VILL: variants seen among roughly 807,000 people sequenced by gnomAD.
VILL encodes villin like, also known as villin-like protein.
A neutral mutation model predicts 106.3 loss-of-function variants in VILL; 102 were observed. The ratio of observed to expected loss-of-function variants is 0.96; its 90% CI spans 0.82 to 1.13. VILL has a LOEUF of 1.13. Among genes scored for constraint, VILL ranks in the 50% most tolerant of loss-of-function variants. The pLI is 0.00. For missense variants in VILL, 1,076 were observed against 1,116.6 expected, an observed-to-expected ratio of 0.96 and a Z score of 0.52; for synonymous variants, 431 against 440.3, an observed-to-expected ratio of 0.98 and a Z score of 0.27.
At chr3:38,004,497 C>T (rs1331202090) in intron 16 of VILL, 98 bp downstream of exon 16, 8 of 1,481,686 alleles carry the variant, frequency 5.4e-6, no homozygotes, top group Non-Finnish European at 7.4e-6. Context: ...CCTCTGTACA[C>T]AGGGCTGTGG....
rs57608496 is a variant in VILL at position 37,994,607 on chromosome 3, C to G, written c.341+141C>G. On this transcript the variant is annotated intron_variant, in intron 4 of 19. Transcript: ENST00000383759. ...GTAACACCTTTATTGAGATACAACT[C>G]ATACGCCATACGATTCACCCATTTA... 167 of 849,748 alleles carry G rather than the reference C, an allele frequency of 2.0e-4. No homozygotes were observed. In the African/African-American group the frequency reaches 2.6e-3, roughly 13 times the overall value. 52.6% of individuals were successfully genotyped at this position (849,748 alleles called of 1,614,324 possible).
chr3:37,998,018 C>A lies in VILL; in HGVS notation c.765-72C>A. ...GTCTCTGAGGGACTGGGGTGGGGTC[C>A]TAAATGGGGCTGGAGTGGAGACAGA... On this transcript the variant is annotated intron_variant, in intron 7 of 19. Coordinates refer to ENST00000383759, the MANE Select transcript of VILL (RefSeq NM_015873.4). This position sits in a 1 kb window ranked among gnomAD's most constrained non-coding sequence, Gnocchi z 4.1. The A allele has an allele frequency of 1.4e-6, 2 of 1,471,042 alleles. No homozygotes were observed. The highest frequency in any genetic ancestry group is 1.2e-5 in the South Asian group (1 of 80,606). The allele number at this position is 1,471,042 out of a possible 1,614,324, so 91.1% of individuals were successfully genotyped here. A position where few individuals can be genotyped will look rare whatever the true frequency, so the allele number is the denominator to read the frequency against.
In VILL at chr3:37,997,051, T is replaced by C; in HGVS notation, c.451-26T>C. The C allele has an allele frequency of 6.2e-7, 1 of 1,605,020 alleles. No individual in the cohort carries two copies. The highest frequency in any genetic ancestry group is 1.1e-5 in the South Asian group (1 of 90,760). ...CTAGCGGATGCTGGTGGTATGACAC[T>C]CTGTCTCTCTCCCTGGCTCTGGCAG... On this transcript the variant is annotated intron_variant, in intron 5 of 19. Transcript: ENST00000383759. This position sits in a 1 kb window ranked among gnomAD's most constrained non-coding sequence, Gnocchi z 4.7.
In VILL at chr3:37,997,227, G is replaced by C; in HGVS notation, c.561+40G>C. The stretch of plus-strand genomic sequence containing the variant: ...AAGGAACTGGGGAGTACGGGGCTTG[G>C]GCGGGGAATGATCCTCCAGTTGACC... On this transcript the variant is annotated intron_variant, in intron 6 of 19. Coordinates refer to ENST00000383759, the MANE Select transcript of VILL (RefSeq NM_015873.4). This position sits in a 1 kb window ranked among gnomAD's most constrained non-coding sequence, Gnocchi z 4.7. 1 of 1,593,996 alleles carries C rather than the reference G, an allele frequency of 6.3e-7. No individual in the cohort carries two copies. The highest frequency in any genetic ancestry group is 2.2e-5 in the East Asian group (1 of 44,764).
chr3:38,001,779 C>T lies in VILL; in HGVS notation c.1398C>T (p.Val466=). ...AACTAGATGTCATGTATGGTGGCGT[C>T]CTAGTACAGGAGCATGTGACCATGG... The part of the protein sequence containing the change: ...AEELDVMYGG[V]LVQEHVTMGS... The change falls in exon 13 of 20, where the codon GTC becomes GTT. Residue 466 remains valine (V), a synonymous_variant. Coordinates refer to ENST00000383759, the MANE Select transcript of VILL (RefSeq NM_015873.4). 6.2e-7 allele frequency: 1 copy of T among 1,614,040 alleles called. No homozygotes were observed. The highest frequency in any genetic ancestry group is 8.5e-7 in the Non-Finnish European group (1 of 1,179,926).
At chr3:38,002,154 T>C in intron 13 of VILL, 1 of 633,658 alleles carries the variant, frequency 1.6e-6, no homozygotes, top group Non-Finnish European at 2.7e-6. Flanking sequence ...TGAGCACCCA[T>C]GCCCCAACCA....
At position 38,004,344 on chromosome 3, in the gene VILL, T is replaced by A; in HGVS notation, c.1895T>A (p.Phe632Tyr). 1.2e-6 allele frequency: 2 copies of A among 1,613,850 alleles called. No individual in the cohort carries two copies. Among genetic ancestry groups the A allele is most frequent in the Non-Finnish European group, 1.7e-6 (2 of 1,179,710 alleles). ...GCLVLAEVGFFSQEDLDKYDI... is the reference protein window; with the variant it reads ...GCLVLAEVGFYSQEDLDKYDI... ...CTGGTCCTCGCAGAAGTGGGGTTCTTCAGCCAGGAGGACCTGGACAAGTAT... is the reference window on the plus strand; with the variant it reads ...CTGGTCCTCGCAGAAGTGGGGTTCTACAGCCAGGAGGACCTGGACAAGTAT... Residue 632 changes from phenylalanine (F) to tyrosine (Y), a missense_variant, in exon 16 of 20, where the codon TTC becomes TAC. By Grantham distance (22) the Phe-to-Tyr change is conservative (BLOSUM62 3). Coordinates refer to ENST00000383759, the MANE Select transcript of VILL (RefSeq NM_015873.4).
chr3:37,997,273 G>T lies in VILL; in HGVS notation c.561+86G>T. 2 of 1,435,014 alleles carry T rather than the reference G, an allele frequency of 1.4e-6. No individual in the cohort carries two copies. Among genetic ancestry groups the T allele is most frequent in the Non-Finnish European group, 1.9e-6 (2 of 1,028,402 alleles). 88.9% of individuals were successfully genotyped at this position (1,435,014 alleles called of 1,614,324 possible). On this transcript the variant is annotated intron_variant, in intron 6 of 19. Transcript: ENST00000383759. The surrounding 1 kb of genome is among the most constrained non-coding windows in gnomAD (Gnocchi z 4.7). The stretch of plus-strand genomic sequence containing the variant: ...TGACCATCCTCCGGCCACCCAAAGA[G>T]TTGGGCTTGGCTCTGCTACAACCCA...
chr3:38,006,641 C>T lies in VILL; in HGVS notation c.2398C>T (p.Gln800Ter). ...ATINGGLRREQLMHQAVEDLP... is the reference protein window; with the variant it reads ...ATINGGLRRE Reference sequence around the variant, plus strand: ...GATCAACGGGGGCCTGCGCCGGGAACAACTGATGCACCAGGCTGTTGAGGA... The same window carrying T: ...GATCAACGGGGGCCTGCGCCGGGAATAACTGATGCACCAGGCTGTTGAGGA... The change falls in exon 19 of 20, where the codon CAA (glutamine) becomes TAA (stop). Residue 800 changes from glutamine to a stop codon, truncating the protein, a stop_gained. Coordinates refer to ENST00000383759, the MANE Select transcript of VILL (RefSeq NM_015873.4). LOFTEE classifies it high-confidence loss of function. 2 of 1,613,620 alleles carry T rather than the reference C, an allele frequency of 1.2e-6. No homozygotes were observed. The highest frequency in any genetic ancestry group is 1.1e-5 in the South Asian group (1 of 91,052).
At position 37,999,453 on chromosome 3, in the gene VILL, G is replaced by A; in HGVS notation, c.1182+14G>A. The A allele has an allele frequency of 6.8e-7, 1 of 1,465,104 alleles. No homozygotes were observed. Among genetic ancestry groups the A allele is most frequent in the Non-Finnish European group, 9.0e-7 (1 of 1,108,940 alleles). The allele number at this position is 1,465,104 out of a possible 1,614,324, so 90.8% of individuals were successfully genotyped here. A position where few individuals can be genotyped will look rare whatever the true frequency, so the allele number is the denominator to read the frequency against. Reference sequence around the variant, plus strand: ...GGGAAGGTGGAGGTGAGGGGTACTGGGTTAGCTGGGGGAAGATGGGCACAC... The same window carrying A: ...GGGAAGGTGGAGGTGAGGGGTACTGAGTTAGCTGGGGGAAGATGGGCACAC... On this transcript the variant is annotated intron_variant, in intron 11 of 19. Coordinates refer to ENST00000383759, the MANE Select transcript of VILL (RefSeq NM_015873.4).
At position 37,993,920 on chromosome 3, in the gene VILL, C is replaced by G. The variant is rs2125529002; in HGVS notation, c.83C>G (p.Pro28Arg). 1 of 1,614,172 alleles carries G rather than the reference C, an allele frequency of 6.2e-7. No homozygotes were observed. The highest frequency in any genetic ancestry group is 1.3e-5 in the African/African-American group (1 of 75,036). ...CAGAACCGGAAGATGGTGCCGGTACCCGAGGGGGCTTACGGGAACTTTTTT... is the reference window on the plus strand; with the variant it reads ...CAGAACCGGAAGATGGTGCCGGTACGCGAGGGGGCTTACGGGAACTTTTTT... ...ISENRKMVPV[P>R]EGAYGNFFEE... Residue 28 changes from proline (P) to arginine (R), a missense_variant, in exon 3 of 20, where the codon CCC becomes CGC. Transcript: ENST00000383759.
chr3:37,995,600 T>C (rs773262102), intron 4 of VILL, 139 bp from the exon 5 acceptor site: 1 of 651,170 alleles, frequency 1.5e-6, no homozygotes, highest in Non-Finnish European at 2.7e-6. Context: ...TATACATACA[T>C]GTGTTCACAC....
At chr3:38,004,000 G>A (rs1399954332) in intron 15 of VILL, 1 of 409,418 alleles carries the variant, frequency 2.4e-6, no homozygotes, top group East Asian at 3.8e-5. Context: ...CCCTACCCCT[G>A]CAGCCCTCTC....
intron 13 of VILL, 115 bp downstream of exon 13, chr3:38,001,975 T>G (rs1164311562): frequency 6.6e-7 from 1 of 1,507,152 alleles, no homozygotes; most frequent in South Asian, 1.2e-5. Context: ...TATCATCCCC[T>G]AGTTTCCCAG....
upstream of VILL, among the ~76,000 whole-genome samples, chr3:37,989,138 G>A (rs772746911): frequency 3.3e-5 from 5 of 152,178 alleles, no homozygotes; most frequent in African/African-American, 2.4e-5. Context: ...CGGGCCAGTG[G>A]CTTGCGGGAG....
intron 10 of VILL, 84 bp from the exon 11 acceptor site, chr3:37,999,255 A>T: frequency 5.2e-6 from 4 of 771,088 alleles, no homozygotes; most frequent in Non-Finnish European, 6.5e-6. Context: ...GGAATCTTGG[A>T]GGGATGGTTG....
rs539704945 is a variant in VILL, at chr3:37,992,164, A to T, written c.-87+1335A>T. Among the ~76,000 whole-genome samples the T allele has an allele frequency of 3.9e-5, 6 of 151,904 alleles. No individual in the cohort carries two copies. The East Asian group carries it at 5.8e-4, about 15-fold the overall frequency. ...TTCTGGCACTCTGTCACCATGTTGT[A>T]CTCTTCCATGAGCTACAGCTCACAG... On this transcript the variant is annotated intron_variant, in intron 1 of 19. Transcript: ENST00000383759.
rs752862471 is a variant in VILL, at chr3:37,998,377, G to A, written c.942+13G>A. On this transcript the variant is annotated intron_variant, in intron 9 of 19. Transcript: ENST00000383759. The surrounding 1 kb of genome is among the most constrained non-coding windows in gnomAD (Gnocchi z 4.1). ...CAGCCGGGCTGTGGTGAGCCCTGGG[G>A]CTCTGTCTGAGAGGAACAGAGCACT... 1.2e-6 allele frequency: 2 copies of A among 1,613,430 alleles called. No individual in the cohort carries two copies. The highest frequency in any genetic ancestry group is 3.3e-5 in the Admixed American group (2 of 59,994).
At chr3:38,005,149 C>T (rs1389516661) in intron 16 of VILL, among the ~76,000 whole-genome samples, 2 of 152,014 alleles carry the variant, frequency 1.3e-5, no homozygotes, top group African/African-American at 2.4e-5. Context: ...TCTGTGGGGC[C>T]GTGTCTACAG....
Sources: allele counts gnomAD v4.1 joint callset (sites outside exome capture counted in the v4.1 genomes callset), GRCh38; gene constraint gnomAD v4.1.1; non-coding constraint Gnocchi (gnomAD v3.1); transcripts MANE v1.5; gene names NCBI Gene and HGNC (gene_info 2026-07-23, HGNC 2026-07-21).